RBFOX1: variants seen among roughly 807,000 people sequenced by gnomAD.
RBFOX1 encodes RNA binding protein fox-1 homolog 1.
RBFOX1 carries 8 observed loss-of-function variants against 57.7 expected under a neutral mutation model. The ratio of observed to expected loss-of-function variants is 0.14; its 90% confidence interval spans 0.08 to 0.25. RBFOX1 has a LOEUF of 0.25. Among genes scored for constraint, RBFOX1 ranks in the 10% least tolerant of loss-of-function variants. The probability of loss-of-function intolerance (pLI) is 1.00; values close to 1 mark genes in which losing one functional copy is unlikely to be tolerated. For missense variants in RBFOX1, 611 were observed against 548.5 expected, an observed-to-expected ratio of 1.11 and a Z score of -1.14; for synonymous variants, 326 against 222.4, an observed-to-expected ratio of 1.47 and a Z score of -4.15.
At chr16:7,045,134 C>T (rs766006378) in intron 3 of RBFOX1, among the ~76,000 whole-genome samples, 7 of 152,158 alleles carry the variant, frequency 4.6e-5, no homozygotes, top group Admixed American at 2.6e-4. Flanking sequence ...GGCCACCTAA[C>T]TCATGAGATG....
At chr16:7,445,136 G>C (rs1303201701) in intron 4 of RBFOX1, among the ~76,000 whole-genome samples, 1 of 152,060 alleles carries the variant, frequency 6.6e-6, no homozygotes, top group East Asian at 1.9e-4. Flanking sequence ...ACAGGGTGGG[G>C]ATAGTCCCTT....
intron 3 of RBFOX1, among the ~76,000 whole-genome samples, chr16:6,956,930 C>T (rs2153537169): frequency 6.6e-6 from 1 of 151,928 alleles, no homozygotes; most frequent in South Asian, 2.1e-4. Context: ...CAGATCCAGA[C>T]CCCAAGTGAG....
At chr16:6,245,713 C>T (rs1030571826) in intron 1 of RBFOX1, among the ~76,000 whole-genome samples, 1 of 152,162 alleles carries the variant, frequency 6.6e-6, no homozygotes, top group Non-Finnish European at 1.5e-5. Context: ...AAGCAGGGCA[C>T]AAAAGCTCTG....
chr16:5,618,841 G>A (rs926375553), intron 3 of RBFOX1, among the ~76,000 whole-genome samples: 1 of 152,190 alleles, frequency 6.6e-6, no homozygotes, highest in South Asian at 2.1e-4. Flanking sequence ...GGATTTTGCT[G>A]TGTCTGGATA....
At chr16:6,663,340 A>G (rs902528069) in intron 3 of RBFOX1, among the ~76,000 whole-genome samples, 13 of 152,152 alleles carry the variant, frequency 8.5e-5, no homozygotes, top group African/African-American at 3.1e-4. Flanking sequence ...CAACACTGAC[A>G]ATGGATTGAT....
chr16:7,463,168 T>A (rs1236528575), intron 4 of RBFOX1, among the ~76,000 whole-genome samples: 1 of 152,116 alleles, frequency 6.6e-6, no homozygotes, highest in Non-Finnish European at 1.5e-5. Context: ...TGCCCTCAGA[T>A]GGTAGAAGGG....
In RBFOX1 at chr16:7,460,088, A is replaced by G. The variant is rs572550309; in HGVS notation, c.28-58059A>G. 1.4e-3 allele frequency among the ~76,000 whole-genome samples: 220 copies of G among 152,174 alleles called. 1 individual carries two copies. Among genetic ancestry groups the G allele is most frequent in the Non-Finnish European group, 1.9e-3 (129 of 68,000 alleles). On this transcript the variant is annotated intron_variant, in intron 4 of 15. Transcript: ENST00000550418. ...GTTAGATAATTCAGTTAATTCATCA[A>G]TTCGAAAATATCATTAAGGTTTCAG...
At chr16:7,347,972 G>A (rs1337741976) in intron 4 of RBFOX1, among the ~76,000 whole-genome samples, 2 of 152,192 alleles carry the variant, frequency 1.3e-5, no homozygotes, top group African/African-American at 4.8e-5. Context: ...TCTGTTTGTA[G>A]AAAGCAAGGC....
intron 3 of RBFOX1, among the ~76,000 whole-genome samples, chr16:6,746,778 A>T (rs1043470199): frequency 6.6e-6 from 1 of 152,182 alleles, no homozygotes; most frequent in Non-Finnish European, 1.5e-5. Context: ...CATATAATCA[A>T]TACTTATATA....
At chr16:7,032,534 G>C (rs2043079850) in intron 3 of RBFOX1, among the ~76,000 whole-genome samples, 1 of 152,090 alleles carries the variant, frequency 6.6e-6, no homozygotes, top group Non-Finnish European at 1.5e-5. Flanking sequence ...GCAAATTACA[G>C]ATCAGCTAAA....
chr16:6,152,319 G>C (rs2096803231), intron 1 of RBFOX1, among the ~76,000 whole-genome samples: 1 of 151,894 alleles, frequency 6.6e-6, no homozygotes, highest in African/African-American at 2.4e-5. Flanking sequence ...CTTTTCTCCT[G>C]CTCTCTGTCT....
chr16:6,741,297 A>T (rs1354329019), intron 3 of RBFOX1, among the ~76,000 whole-genome samples: 1 of 152,180 alleles, frequency 6.6e-6, no homozygotes, highest in African/African-American at 2.4e-5. Context: ...TATAGGAAAA[A>T]TATCTTTCGA....
chr16:6,535,160 G>C (rs2096717852), intron 2 of RBFOX1, among the ~76,000 whole-genome samples: 1 of 152,166 alleles, frequency 6.6e-6, no homozygotes, highest in South Asian at 2.1e-4. Flanking sequence ...TGGTTTGTCT[G>C]GGACTTTTTC....
At chr16:7,335,815 C>G (rs2096776280) in intron 4 of RBFOX1, among the ~76,000 whole-genome samples, 1 of 152,106 alleles carries the variant, frequency 6.6e-6, no homozygotes, top group Non-Finnish European at 1.5e-5. Flanking sequence ...ATTGGATCTC[C>G]TGAACCCATT....
intron 3 of RBFOX1, among the ~76,000 whole-genome samples, chr16:5,611,785 TC>T (rs2047816086): frequency 1.9e-5 from 2 of 107,684 alleles, no homozygotes; most frequent in Non-Finnish European, 3.9e-5. Flanking sequence ...CATCCATCCA[TC>T]CATCCATCCA....
At chr16:7,225,321 T>C (rs2093025165) in intron 4 of RBFOX1, among the ~76,000 whole-genome samples, 1 of 152,080 alleles carries the variant, frequency 6.6e-6, no homozygotes, top group South Asian at 2.1e-4. Context: ...AGCCGAATCA[T>C]GGGGGCTGTT....
At chr16:7,143,349 A>T (rs546119835) in intron 4 of RBFOX1, among the ~76,000 whole-genome samples, 5 of 152,208 alleles carry the variant, frequency 3.3e-5, no homozygotes, top group African/African-American at 1.2e-4. Flanking sequence ...GGACTGAGCC[A>T]CTGTAGAAAA....
At chr16:7,572,450 T>C (rs544287754) in intron 5 of RBFOX1, among the ~76,000 whole-genome samples, 82 of 152,262 alleles carry the variant, frequency 5.4e-4, no homozygotes, top group African/African-American at 2.0e-3. Flanking sequence ...GGAGATATTT[T>C]TTGTTCCAAC....
chr16:5,823,359 C>T (rs1459827402), intron 3 of RBFOX1, among the ~76,000 whole-genome samples: 1 of 152,156 alleles, frequency 6.6e-6, no homozygotes, highest in Non-Finnish European at 1.5e-5. Context: ...GTAGCTCCTG[C>T]CTCTTGGAAC....
Sources: allele counts gnomAD v4.1 joint callset (sites outside exome capture counted in the v4.1 genomes callset), GRCh38; gene constraint gnomAD v4.1.1; transcripts MANE v1.5; gene names NCBI Gene and HGNC (gene_info 2026-07-23, HGNC 2026-07-21).